CTCFL: variants seen among roughly 807,000 people sequenced by gnomAD.
CTCFL encodes the protein transcriptional repressor CTCFL.
Under a neutral mutation model 67.4 loss-of-function variants are expected in CTCFL, and 36 were observed. The ratio of observed to expected loss-of-function variants is 0.53; its 90% CI spans 0.41 to 0.71. CTCFL has a LOEUF of 0.71. Among genes scored for constraint, CTCFL ranks in the 30% least tolerant of loss-of-function variants. CTCFL has a pLI of 0.00. For missense variants in CTCFL, 786 were observed against 835.2 expected (o/e 0.94, Z 0.73); for synonymous variants, 324 against 302.3 (o/e 1.07, Z -0.75).
intron 9 of CTCFL, among the ~76,000 whole-genome samples, chr20:57,503,900 G>A (rs1288327572): frequency 6.7e-6 from 1 of 150,328 alleles, no homozygotes; most frequent in Admixed American, 6.6e-5. Flanking sequence ...TGAGCTGACT[G>A]TACCACTGCA....
chr20:57,506,844 A>G (rs1568856796), intron 9 of CTCFL: 1 of 985,028 alleles, frequency 1.0e-6, no homozygotes, highest in African/African-American at 1.7e-5. Flanking sequence ...CAATTTTTGC[A>G]TGAGCAATGG....
chr20:57,524,406 G>A (rs1390532082), intron 1 of CTCFL, 190 bp from the exon 2 acceptor site: 1 of 1,420,526 alleles, frequency 7.0e-7, no homozygotes. Flanking sequence ...AGGCTAAGCA[G>A]GATTTAGGCT....
intron 9 of CTCFL, chr20:57,507,235 A>C (rs1298505752): frequency 1.3e-5 from 3 of 233,736 alleles, no homozygotes; most frequent in East Asian, 1.1e-4. Flanking sequence ...TCTGTCGCCC[A>C]GGCTGGAGGC....
At chr20:57,502,265 C>T (rs1344831427) in intron 10 of CTCFL, among the ~76,000 whole-genome samples, 1 of 152,214 alleles carries the variant, frequency 6.6e-6, no homozygotes, top group Non-Finnish European at 1.5e-5. Context: ...CGACTGGAAC[C>T]AGGGACCCAG....
intron 9 of CTCFL, among the ~76,000 whole-genome samples, chr20:57,504,120 G>A (rs1295716257): frequency 1.3e-5 from 2 of 151,756 alleles, no homozygotes; most frequent in Non-Finnish European, 2.9e-5. Context: ...GGGACTACAG[G>A]CACCCGTCAC....
At chr20:57,499,006 AC>A (rs1223427529) in intron 10 of CTCFL, among the ~76,000 whole-genome samples, 3 of 128,402 alleles carry the variant, frequency 2.3e-5, no homozygotes, top group African/African-American at 9.1e-5. Flanking sequence ...TGCCAGTAGC[AC>A]CCTCCTCTCC....
At chr20:57,504,484 C>G (rs1229948197) in intron 9 of CTCFL, among the ~76,000 whole-genome samples, 47 of 151,522 alleles carry the variant, frequency 3.1e-4, no homozygotes, top group African/African-American at 1.0e-3. Context: ...TTCCACCATG[C>G]TGGCCAGGCT....
chr20:57,499,971 C>A, intron 10 of CTCFL: 1 of 987,002 alleles, frequency 1.0e-6, no homozygotes, highest in Non-Finnish European at 1.2e-6. Context: ...GAGCCCTGCT[C>A]TACTCATTTT....
At chr20:57,513,571 T>C (rs1329185965) in intron 7 of CTCFL, 38 of 1,108,770 alleles carry the variant, frequency 3.4e-5, no homozygotes, top group Non-Finnish European at 4.2e-5. Flanking sequence ...TTTGCCATGG[T>C]GTCAAAAAAG....
intron 7 of CTCFL, chr20:57,513,514 G>A (rs2068698412): frequency 1.9e-6 from 2 of 1,042,724 alleles, no homozygotes; most frequent in African/African-American, 1.7e-5. Context: ...ATAGGGCTAT[G>A]TGGAGTGTAT....
In CTCFL at chr20:57,503,668, T is replaced by C. The variant is rs550595891; in HGVS notation, c.1675-67A>G. The C allele has an allele frequency of 2.4e-4, 373 of 1,529,956 alleles. 1 individual carries two copies. The African/African-American group carries it at 6.0e-3, about 25-fold the overall frequency. 94.8% of individuals were successfully genotyped at this position (1,529,956 alleles called of 1,614,324 possible). A position where few individuals can be genotyped will look rare whatever the true frequency, so the allele number is the denominator to read the frequency against. On this transcript the variant is annotated intron_variant, in intron 9 of 10. Transcript: ENST00000243914. ...GGGGCAGGGACCCCTCTCAGGGGCC[T>C]GTGGGGACCCCACGCATGGAAAGAA...
intron 7 of CTCFL, chr20:57,513,518 A>T: frequency 9.6e-7 from 1 of 1,044,300 alleles, no homozygotes; most frequent in Non-Finnish European, 1.2e-6. Context: ...GGCTATGTGG[A>T]GTGTATCACC....
At chr20:57,506,073 A>C (rs559328176) in intron 9 of CTCFL, among the ~76,000 whole-genome samples, 342 of 152,336 alleles carry the variant, frequency 2.2e-3, no homozygotes, top group Non-Finnish European at 4.4e-3. Flanking sequence ...GGCAAACGAC[A>C]ACCAGTGGGT....
downstream of CTCFL, chr20:57,496,393 A>G: frequency 1.8e-6 from 1 of 564,794 alleles, no homozygotes; most frequent in Non-Finnish European, 3.2e-6. Flanking sequence ...TCTTTTCTTT[A>G]TAAATTACCC....
chr20:57,522,308 T>A (rs1193472659), intron 3 of CTCFL, among the ~76,000 whole-genome samples: 1 of 152,188 alleles, frequency 6.6e-6, no homozygotes, highest in East Asian at 1.9e-4. Flanking sequence ...CCAGATATAA[T>A]TTAAAAGAGC....
intron 6 of CTCFL, chr20:57,515,054 T>C (rs2068819526): frequency 3.2e-6 from 1 of 311,206 alleles, no homozygotes; most frequent in South Asian, 1.0e-4. Flanking sequence ...ACACAAGACA[T>C]CAAGTACCTC....
intron 3 of CTCFL, among the ~76,000 whole-genome samples, chr20:57,521,426 G>A (rs1242883026): frequency 6.6e-6 from 1 of 152,202 alleles, no homozygotes; most frequent in Non-Finnish European, 1.5e-5. Context: ...AACAAGCGTT[G>A]GTGAGGATGT....
In CTCFL at chr20:57,498,603, C is replaced by T. The variant is rs757098063; in HGVS notation, c.1939G>A (p.Glu647Lys). ...CRETTARVKE[E>K]VDEGVTCEML... ...TCACAGGTCACGCCTTCATCCACTT[C>T]CTCTTTGACTCTGGCTGTGGTTTCT... Residue 647 changes from glutamate to lysine, a missense_variant, in exon 11 of 11, where the codon GAA (glutamate) becomes AAA (lysine). By Grantham distance (56) the Glu-to-Lys change is moderately conservative (BLOSUM62 1). This residue lies in a region of CTCFL where 199 missense variants were observed against 196.7 expected (regional missense o/e 1.01). Transcript: ENST00000243914. The T allele has an allele frequency of 1.3e-5, 21 of 1,614,028 alleles. No homozygotes were observed. Among genetic ancestry groups the T allele is most frequent in the Middle Eastern group, 1.6e-4 (1 of 6,082 alleles).
intron 10 of CTCFL, chr20:57,499,479 C>G (rs544839976): frequency 6.5e-6 from 1 of 154,076 alleles, no homozygotes; most frequent in East Asian, 1.9e-4. Flanking sequence ...TTTTCAGTAC[C>G]AGGGAACACT....
Sources: gnomAD v4.1 joint callset for allele counts (sites outside exome capture counted in the v4.1 genomes callset) on GRCh38, gnomAD v4.1.1 for gene constraint, gnomAD v4.1.1 regional missense constraint, MANE v1.5 for transcripts, NCBI Gene and HGNC (gene_info 2026-07-23, HGNC 2026-07-21) for gene names.